LRCH3: variants seen among roughly 807,000 people sequenced by gnomAD.
The protein encoded by LRCH3 is DISP complex protein LRCH3.
LRCH3 carries 68 observed loss-of-function variants against 104.5 expected under a neutral mutation model. The ratio of observed to expected loss-of-function variants is 0.65; its 90% CI spans 0.54 to 0.80. The LOEUF is 0.80. Ranked by LOEUF, LRCH3 falls within the 30% of genes least tolerant of loss-of-function variation. LRCH3 has a pLI of 0.00. For synonymous variants in LRCH3, 344 were observed against 361.3 expected, an observed-to-expected ratio of 0.95 and a Z score of 0.54; for missense variants, 951 against 953.9, an observed-to-expected ratio of 1.00 and a Z score of 0.04.
chr3:197,870,255 G>T lies in LRCH3; in HGVS notation c.1969G>T (p.Glu657Ter). 1 of 1,613,280 alleles carries T rather than the reference G, an allele frequency of 6.2e-7. No homozygotes were observed. The highest frequency in any genetic ancestry group is 2.2e-5 in the East Asian group (1 of 44,864). Residue 657 changes from glutamate to a stop codon, truncating the protein, a stop_gained, in exon 18 of 21, where the codon GAA becomes TAA. Transcript: ENST00000425562. LOFTEE classifies it high-confidence loss of function. The part of the protein sequence containing the change: ...QNSRQREEEL[E>*]LIDQLRKHIE... Reference sequence around the variant, plus strand: ...TTCAAGACAGAGAGAAGAAGAGCTGGAATTAATAGACCAACTGCGTAAAGT... The same window carrying T: ...TTCAAGACAGAGAGAAGAAGAGCTGTAATTAATAGACCAACTGCGTAAAGT...
intron 10 of LRCH3, among the ~76,000 whole-genome samples, chr3:197,844,337 T>G (rs1738271848): frequency 6.6e-6 from 1 of 151,982 alleles, no homozygotes; most frequent in African/African-American, 2.4e-5. Context: ...ACAAACTGAG[T>G]GGGGTGGTCA....
intron 1 of LRCH3, among the ~76,000 whole-genome samples, chr3:197,805,465 A>G (rs976913647): frequency 2.0e-5 from 3 of 152,034 alleles, no homozygotes; most frequent in Non-Finnish European, 4.4e-5. Flanking sequence ...CTGAAAACCT[A>G]ATGACAGCCG....
At position 197,826,901 on chromosome 3, in the gene LRCH3, C is replaced by T. The variant is rs760026273; in HGVS notation, c.664C>T (p.Arg222Trp). ...AGAGCTGGCGGAGTTGCCTTTGATA[C>T]GGTTAGACTTCTCATGCAATAAAAT... ...PEELAELPLI[R>W]LDFSCNKITT... Residue 222 changes from arginine to tryptophan, a missense_variant, in exon 5 of 21, where the codon CGG becomes TGG. Transcript: ENST00000425562. 1.9e-5 allele frequency: 31 copies of T among 1,614,064 alleles called. No homozygotes were observed. Among genetic ancestry groups the T allele is most frequent in the South Asian group, 9.9e-5 (9 of 91,076 alleles).
chr3:197,820,275 A>G, intron 3 of LRCH3, 50 bp from the exon 4 acceptor site: 1 of 1,302,452 alleles, frequency 7.7e-7, no homozygotes, highest in Admixed American at 1.7e-5. Context: ...TTTAAAGCAG[A>G]CAAGTTTGTA....
intron 1 of LRCH3, among the ~76,000 whole-genome samples, chr3:197,800,908 A>T (rs1471596634): frequency 6.6e-6 from 1 of 152,158 alleles, no homozygotes; most frequent in African/African-American, 2.4e-5. Context: ...AGCCTGACCA[A>T]CATGGTGAAA....
chr3:197,804,576 A>G (rs1001508105), intron 1 of LRCH3, among the ~76,000 whole-genome samples: 2 of 152,180 alleles, frequency 1.3e-5, no homozygotes, highest in African/African-American at 2.4e-5. Flanking sequence ...GGGGCTTTCC[A>G]CCCAAAATTG....
intron 5 of LRCH3, among the ~76,000 whole-genome samples, chr3:197,828,626 T>A (rs1735521175): frequency 1.3e-5 from 2 of 151,666 alleles, no homozygotes; most frequent in Admixed American, 1.3e-4. Context: ...ATTACAGGTG[T>A]GAGCCACCGC....
At chr3:197,880,459 T>G in intron 20 of LRCH3, 1 of 1,333,306 alleles carries the variant, frequency 7.5e-7, no homozygotes, top group East Asian at 2.5e-5. Flanking sequence ...TCTGCATTTC[T>G]GATCCACTGA....
chr3:197,797,463 CAGGG>C (rs1253290538), intron 1 of LRCH3, among the ~76,000 whole-genome samples: 3 of 151,670 alleles, frequency 2.0e-5, no homozygotes, highest in Non-Finnish European at 4.4e-5. Flanking sequence ...ACTGTCAACT[CAGGG>C]AGATACCAGC....
intron 15 of LRCH3, 81 bp downstream of exon 15, chr3:197,858,986 T>C (rs1269738954): frequency 1.1e-5 from 11 of 976,292 alleles, no homozygotes; most frequent in Non-Finnish European, 1.8e-5. Context: ...TGAATTGATC[T>C]AACAATCTGA....
chr3:197,880,691 T>C (rs1713680103), intron 20 of LRCH3: 1 of 1,536,728 alleles, frequency 6.5e-7, no homozygotes, highest in Non-Finnish European at 8.7e-7. Flanking sequence ...GTGTGCTTTA[T>C]TACTGGCTCT....
At chr3:197,863,306 A>G (rs1279552673) in intron 15 of LRCH3, among the ~76,000 whole-genome samples, 1 of 152,188 alleles carries the variant, frequency 6.6e-6, no homozygotes, top group Non-Finnish European at 1.5e-5. Flanking sequence ...TCTGTTGCCC[A>G]GGCTGGAATG....
intron 15 of LRCH3, among the ~76,000 whole-genome samples, chr3:197,860,631 C>T (rs961539073): frequency 6.6e-6 from 1 of 151,270 alleles, no homozygotes; most frequent in Non-Finnish European, 1.5e-5. Context: ...TTTGTGGGTA[C>T]ATAGTAAGTG....
chr3:197,855,321 A>G (rs758877309), intron 14 of LRCH3, among the ~76,000 whole-genome samples: 58 of 152,262 alleles, frequency 3.8e-4, no homozygotes, highest in Non-Finnish European at 1.5e-4. Flanking sequence ...GAATACAATC[A>G]TCACACTCTA....
chr3:197,847,929 C>G lies in LRCH3; in HGVS notation c.1438C>G (p.Arg480Gly), dbSNP rs774437154. Residue 480 changes from arginine (R) to glycine (G), a missense_variant, in exon 12 of 21, where the codon CGG becomes GGG. Arg to Gly is a moderately radical substitution (Grantham distance 125). Coordinates refer to ENST00000425562, the MANE Select transcript of LRCH3 (RefSeq NM_001365715.1). ...AAGGGAGCAGTTAGTAGAGCGCACT[C>G]GGAGAGAGGCTCAGCTTGCTGCCCT... ...QRREQLVERT[R>G]REAQLAALQY... The G allele has an allele frequency of 1.2e-6, 2 of 1,614,010 alleles. No individual in the cohort carries two copies. Among genetic ancestry groups the G allele is most frequent in the Admixed American group, 1.7e-5 (1 of 60,018 alleles).
rs1580629405 is a variant in LRCH3 at position 197,818,105 on chromosome 3, GC to G, written c.534+805del. Among the ~76,000 whole-genome samples, 6 of 152,310 alleles carry G rather than the reference GC, an allele frequency of 3.9e-5. No homozygotes were observed. In the East Asian group the frequency reaches 9.6e-4, roughly 24 times the overall value. On this transcript the variant is annotated intron_variant, in intron 3 of 20. Transcript: ENST00000425562. ...CAAAGTGCTGGGATTACAGGCGTGA[GC>G]CACCGCGCACGGCCCTGTTGCCCTG...
chr3:197,858,842 A>G lies in LRCH3; in HGVS notation c.1653A>G (p.Ser551=). The change falls in exon 15 of 21, where the codon TCA becomes TCG. Residue 551 remains serine (S), a synonymous_variant. Transcript: ENST00000425562. ...TDDSALCMSL[S]GLNQVGCAAT... is the part of the protein sequence containing the mutation. The stretch of plus-strand genomic sequence containing the variant: ...TCTCATTTGAAATGTAGTCGCTGTC[A>G]GGGTTGAATCAAGTGGGCTGTGCTG... 5 of 1,613,522 alleles carry G rather than the reference A, an allele frequency of 3.1e-6. No homozygotes were observed. The highest frequency in any genetic ancestry group is 1.1e-5 in the South Asian group (1 of 91,078).
chr3:197,850,245 G>A (rs1394345585), intron 12 of LRCH3, among the ~76,000 whole-genome samples: 1 of 151,448 alleles, frequency 6.6e-6, no homozygotes, highest in African/African-American at 2.4e-5. Context: ...GATGATAATC[G>A]TACTTAAAAC....
rs997833679 is a variant in LRCH3 at position 197,853,688 on chromosome 3, A to G, written c.1591-704A>G. ...AAGTGTATTGTTTGAAATGTTTTCA[A>G]TTGTCCATTAGAAAGGTTTTTAAAA... On this transcript the variant is annotated intron_variant, in intron 13 of 20. Coordinates refer to ENST00000425562, the MANE Select transcript of LRCH3 (RefSeq NM_001365715.1). Among the ~76,000 whole-genome samples the G allele has an allele frequency of 2.6e-5, 4 of 152,200 alleles. No individual in the cohort carries two copies. The East Asian group carries it at 7.7e-4, about 29-fold the overall frequency.
Sources: gnomAD v4.1 joint callset for allele counts (sites outside exome capture counted in the v4.1 genomes callset) on GRCh38, gnomAD v4.1.1 for gene constraint, MANE v1.5 for transcripts, NCBI Gene and HGNC (gene_info 2026-07-23, HGNC 2026-07-21) for gene names.